SLC26A8: variants seen among roughly 807,000 people sequenced by gnomAD.
The protein encoded by SLC26A8 is testis anion transporter 1.
In SLC26A8, 70 loss-of-function variants were observed where a neutral mutation model predicts 105.0. The ratio of observed to expected loss-of-function variants is 0.67; its 90% CI spans 0.55 to 0.81. SLC26A8 has a LOEUF of 0.81. Ranked by LOEUF, SLC26A8 falls within the 40% of genes least tolerant of loss-of-function variation. The probability of loss-of-function intolerance (pLI) is 0.00; values close to 1 mark genes in which losing one functional copy is unlikely to be tolerated. For synonymous variants in SLC26A8, 415 were observed against 438.3 expected, an observed-to-expected ratio of 0.95 and a Z score of 0.66; for missense variants, 998 against 1,181.8, an observed-to-expected ratio of 0.84 and a Z score of 2.28.
At chr6:35,974,919 T>C (rs1219445218) in intron 10 of SLC26A8, among the ~76,000 whole-genome samples, 1 of 150,860 alleles carries the variant, frequency 6.6e-6, no homozygotes, top group African/African-American at 2.4e-5. Context: ...TTTTTTTTTT[T>C]CTTTTTTTTT....
At chr6:36,009,219 C>T (rs1332485028) in intron 3 of SLC26A8, among the ~76,000 whole-genome samples, 2 of 152,100 alleles carry the variant, frequency 1.3e-5, no homozygotes, top group East Asian at 1.9e-4. Context: ...GGTGTGGTGG[C>T]GTGCGCCTGT....
At position 35,977,338 on chromosome 6, in the gene SLC26A8, C is replaced by T; in HGVS notation, c.1039G>A (p.Val347Ile). ...DMIPYSFLLPVTPDFSLLPKI... is the reference protein window; with the variant it reads ...DMIPYSFLLPITPDFSLLPKI... ...GGAAGAAGGCTGAAATCTGGTGTTACAGGAAGCAGAAAGCTGGAATAGAAT... is the reference window on the plus strand; with the variant it reads ...GGAAGAAGGCTGAAATCTGGTGTTATAGGAAGCAGAAAGCTGGAATAGAAT... The change falls in exon 9 of 20, where the codon GTA (valine) becomes ATA (isoleucine). Residue 347 changes from valine (V) to isoleucine (I), a missense_variant. Coordinates refer to ENST00000490799, the MANE Select transcript of SLC26A8 (RefSeq NM_052961.4). The T allele has an allele frequency of 6.2e-7, 1 of 1,612,936 alleles. No homozygotes were observed. The highest frequency in any genetic ancestry group is 8.5e-7 in the Non-Finnish European group (1 of 1,179,666).
chr6:36,018,681 TA>T (rs1320297471), intron 2 of SLC26A8, among the ~76,000 whole-genome samples: 1 of 152,162 alleles, frequency 6.6e-6, no homozygotes, highest in Non-Finnish European at 1.5e-5. Context: ...TTCACCACAA[TA>T]AAAAACATTT....
chr6:35,960,347 G>T (rs767427250), intron 14 of SLC26A8: 57 of 160,142 alleles, frequency 3.6e-4, no homozygotes, highest in Non-Finnish European at 6.5e-4. Flanking sequence ...AATACTATAA[G>T]AATTTAGCTA....
At chr6:35,968,405 A>G (rs1772606550) in intron 11 of SLC26A8, among the ~76,000 whole-genome samples, 1 of 151,584 alleles carries the variant, frequency 6.6e-6, no homozygotes, top group Admixed American at 6.6e-5. Context: ...TTGGCCTCCC[A>G]AAGTGCTGGG....
chr6:35,988,496 A>T (rs1773619895), intron 7 of SLC26A8, among the ~76,000 whole-genome samples: 1 of 151,922 alleles, frequency 6.6e-6, no homozygotes, highest in Admixed American at 6.6e-5. Flanking sequence ...TCAGCTGGGC[A>T]TGGTGGTGGG....
At chr6:35,960,492 C>T in intron 14 of SLC26A8, 1 of 224,478 alleles carries the variant, frequency 4.5e-6, no homozygotes, top group Non-Finnish European at 8.7e-6. Flanking sequence ...CCTGTCTTTA[C>T]TAAAATACAA....
chr6:35,962,001 G>A (rs752658242), intron 12 of SLC26A8, among the ~76,000 whole-genome samples: 5 of 152,328 alleles, frequency 3.3e-5, no homozygotes, highest in Middle Eastern at 3.4e-3. Context: ...GCTGAGGCAC[G>A]TGGATCACAA....
At chr6:35,976,463 C>T (rs1773032289) in intron 9 of SLC26A8, among the ~76,000 whole-genome samples, 1 of 150,448 alleles carries the variant, frequency 6.6e-6, no homozygotes, top group Admixed American at 6.6e-5. Context: ...CCTGTTGTTT[C>T]CATATTTCCC....
At chr6:35,979,141 T>C (rs941296708) in intron 8 of SLC26A8, among the ~76,000 whole-genome samples, 2 of 151,004 alleles carry the variant, frequency 1.3e-5, no homozygotes, top group South Asian at 2.1e-4. Context: ...CATGAGCCAC[T>C]GTGTCTGGCC....
chr6:36,020,270 G>A (rs765054131), intron 1 of SLC26A8, among the ~76,000 whole-genome samples: 9 of 152,232 alleles, frequency 5.9e-5, no homozygotes, highest in Non-Finnish European at 1.3e-4. Context: ...AAGCAGGACT[G>A]TGACTATTCA....
intron 10 of SLC26A8, among the ~76,000 whole-genome samples, chr6:35,975,172 C>T (rs1346894277): frequency 6.6e-6 from 1 of 152,146 alleles, no homozygotes; most frequent in African/African-American, 2.4e-5. Flanking sequence ...TCAAGTTCCA[C>T]ATTGACAAGT....
chr6:35,959,927 G>T, intron 14 of SLC26A8, 121 bp from the exon 15 acceptor site: 1 of 814,574 alleles, frequency 1.2e-6, no homozygotes, highest in Non-Finnish European at 1.9e-6. Flanking sequence ...TATTTTTTTT[G>T]AGACAGAGTC....
At chr6:35,997,174 C>A (rs1761379226) in intron 5 of SLC26A8, among the ~76,000 whole-genome samples, 1 of 152,138 alleles carries the variant, frequency 6.6e-6, no homozygotes, top group African/African-American at 2.4e-5. Context: ...GGGTGCTGCA[C>A]AGCAGGAGGT....
intron 3 of SLC26A8, among the ~76,000 whole-genome samples, chr6:36,004,820 A>ATT (rs750395557): frequency 5.0e-4 from 61 of 122,004 alleles, no homozygotes; most frequent in African/African-American, 1.4e-3. Context: ...ACCTAGTTAA[A>ATT]TTTTTTTTTT....
intron 17 of SLC26A8, among the ~76,000 whole-genome samples, chr6:35,953,806 G>GC (rs1448069833): frequency 6.6e-6 from 1 of 152,160 alleles, no homozygotes; most frequent in Non-Finnish European, 1.5e-5. Flanking sequence ...CCAAGACAGA[G>GC]CATACATCCC....
intron 8 of SLC26A8, 113 bp downstream of exon 8, chr6:35,982,008 A>T: frequency 2.8e-6 from 3 of 1,073,166 alleles, no homozygotes; most frequent in Non-Finnish European, 4.2e-6. Flanking sequence ...TCAAAAATGA[A>T]TTTTGCTTTG....
intron 7 of SLC26A8, among the ~76,000 whole-genome samples, chr6:35,987,371 C>A (rs572048869): frequency 2.9e-4 from 44 of 152,162 alleles, no homozygotes; most frequent in Non-Finnish European, 5.6e-4. Context: ...CCTAGGGATT[C>A]CATTTCCTTT....
At chr6:35,962,119 G>A (rs917186426) in intron 12 of SLC26A8, among the ~76,000 whole-genome samples, 2 of 151,988 alleles carry the variant, frequency 1.3e-5, no homozygotes, top group African/African-American at 2.4e-5. Context: ...CCAGCTACTC[G>A]GGAGGCTGAG....
Sources: allele counts gnomAD v4.1 joint callset (sites outside exome capture counted in the v4.1 genomes callset), GRCh38; gene constraint gnomAD v4.1.1; transcripts MANE v1.5; gene names NCBI Gene and HGNC (gene_info 2026-07-23, HGNC 2026-07-21).